GAP43: variants seen among roughly 807,000 people sequenced by gnomAD.
GAP43 encodes the protein growth associated protein 43.
In GAP43, 6 loss-of-function variants were observed where a neutral mutation model predicts 18.6. That is an observed-to-expected ratio of 0.32 (90% CI 0.18 to 0.64). The LOEUF (loss-of-function observed/expected upper bound fraction) is 0.64, where lower values mean the gene tolerates loss of function less well. Among genes scored for constraint, GAP43 ranks in the 30% least tolerant of loss-of-function variants. GAP43 has a pLI of 0.78. For missense variants in GAP43, 292 were observed against 295.5 expected, an observed-to-expected ratio of 0.99 and a Z score of 0.09; for synonymous variants, 115 against 111.4, an observed-to-expected ratio of 1.03 and a Z score of -0.20.
At chr3:115,708,631 T>C (rs1344756166) in intron 2 of GAP43, among the ~76,000 whole-genome samples, 1 of 151,778 alleles carries the variant, frequency 6.6e-6, no homozygotes, top group Non-Finnish European at 1.5e-5. Context: ...ACCATAGAGG[T>C]TGTTTTGTCC....
chr3:115,647,639 C>T (rs564388073), intron 1 of GAP43, among the ~76,000 whole-genome samples: 6 of 150,298 alleles, frequency 4.0e-5, no homozygotes, highest in South Asian at 4.2e-4. Flanking sequence ...CTTGAGGGGA[C>T]GATCCTAAAA....
chr3:115,650,323 C>T (rs970773565), intron 1 of GAP43, among the ~76,000 whole-genome samples: 7 of 152,134 alleles, frequency 4.6e-5, no homozygotes, highest in African/African-American at 1.2e-4. Flanking sequence ...AAAATATCAG[C>T]GAGGGCATTA....
intron 2 of GAP43, among the ~76,000 whole-genome samples, chr3:115,708,223 T>C (rs1209117084): frequency 1.3e-5 from 2 of 152,246 alleles, no homozygotes; most frequent in Non-Finnish European, 2.9e-5. Flanking sequence ...CAAACTATGA[T>C]ATAATGCAAG....
rs187763805 is a variant in GAP43 at position 115,643,697 on chromosome 3, C to A, written c.30+19978C>A. On this transcript the variant is annotated intron_variant, in intron 1 of 2. Coordinates refer to ENST00000305124, the MANE Select transcript of GAP43 (RefSeq NM_002045.4). Reference sequence around the variant, plus strand: ...TACCCTATGTAAAATGGCACCCCACCCTAACACTCCTTATCTGTCCCCTTT... The same window carrying A: ...TACCCTATGTAAAATGGCACCCCACACTAACACTCCTTATCTGTCCCCTTT... Among the ~76,000 whole-genome samples the A allele has an allele frequency of 1.3e-3, 195 of 152,044 alleles. 1 individual carries two copies. The highest frequency in any genetic ancestry group is 4.3e-3 in the African/African-American group (178 of 41,512).
chr3:115,637,748 G>C (rs985023374), intron 1 of GAP43, among the ~76,000 whole-genome samples: 1 of 151,824 alleles, frequency 6.6e-6, no homozygotes, highest in African/African-American at 2.4e-5. Flanking sequence ...GAAATATTTT[G>C]CTGACCCGCA....
At chr3:115,658,590 C>G (rs1265417487) in intron 1 of GAP43, 3 of 152,122 alleles carry the variant, frequency 2.0e-5, no homozygotes, top group African/African-American at 7.2e-5. Context: ...CCCTGGGGAC[C>G]GCAGGGCGTG....
At chr3:115,646,650 T>C (rs1290787631) in intron 1 of GAP43, among the ~76,000 whole-genome samples, 1 of 152,028 alleles carries the variant, frequency 6.6e-6, no homozygotes, top group Non-Finnish European at 1.5e-5. Flanking sequence ...GCCCTTCGGA[T>C]ATCTTGAATT....
chr3:115,661,635 C>A (rs1019332694), intron 1 of GAP43, among the ~76,000 whole-genome samples: 11 of 152,112 alleles, frequency 7.2e-5, no homozygotes, highest in Non-Finnish European at 1.3e-4. Flanking sequence ...ACTACAGGCA[C>A]CCGCCACCAA....
chr3:115,635,247 A>G (rs1190872030), intron 1 of GAP43, among the ~76,000 whole-genome samples: 1 of 152,268 alleles, frequency 6.6e-6, no homozygotes, highest in East Asian at 1.9e-4. Context: ...TTAAATATTC[A>G]TTTGAAAAAG....
At chr3:115,634,272 T>G (rs1385060022) in intron 1 of GAP43, among the ~76,000 whole-genome samples, 3 of 152,182 alleles carry the variant, frequency 2.0e-5, no homozygotes, top group Non-Finnish European at 4.4e-5. Context: ...TAGGCTTGAC[T>G]GGAACCTGTG....
chr3:115,687,852 C>G (rs2107356296), intron 2 of GAP43, among the ~76,000 whole-genome samples: 1 of 152,264 alleles, frequency 6.6e-6, no homozygotes, highest in South Asian at 2.1e-4. Context: ...TAATTCAAAA[C>G]TCATCTTTTC....
At chr3:115,643,080 T>G (rs1196176482) in intron 1 of GAP43, among the ~76,000 whole-genome samples, 1 of 152,116 alleles carries the variant, frequency 6.6e-6, no homozygotes, top group Non-Finnish European at 1.5e-5. Context: ...TAGCCTTATC[T>G]TACAGATGTG....
At chr3:115,654,661 GAGAA>G (rs1212028567) in intron 1 of GAP43, among the ~76,000 whole-genome samples, 17 of 152,172 alleles carry the variant, frequency 1.1e-4, no homozygotes, top group African/African-American at 4.1e-4. Flanking sequence ...CAAATTGCTT[GAGAA>G]AGAAACACAG....
chr3:115,703,141 A>G (rs895968524), intron 2 of GAP43, among the ~76,000 whole-genome samples: 1 of 152,106 alleles, frequency 6.6e-6, no homozygotes. Flanking sequence ...TAGGATTGGG[A>G]ATATGTATAT....
At chr3:115,669,553 G>C (rs1180716344) in intron 1 of GAP43, among the ~76,000 whole-genome samples, 1 of 152,178 alleles carries the variant, frequency 6.6e-6, no homozygotes, top group Non-Finnish European at 1.5e-5. Flanking sequence ...GGCATCAGTT[G>C]CAATACATTA....
At chr3:115,641,882 G>A (rs557028297) in intron 1 of GAP43, among the ~76,000 whole-genome samples, 7 of 152,078 alleles carry the variant, frequency 4.6e-5, no homozygotes, top group East Asian at 3.9e-4. Context: ...ATGTTCTTGC[G>A]GCTGAAGCAG....
intron 2 of GAP43, among the ~76,000 whole-genome samples, chr3:115,698,550 G>C (rs1012982001): frequency 3.3e-5 from 5 of 151,060 alleles, no homozygotes; most frequent in African/African-American, 9.7e-5. Flanking sequence ...GTGAGAAAAG[G>C]CTGCTTATGT....
At chr3:115,698,212 A>AT (rs1553724646) in intron 2 of GAP43, among the ~76,000 whole-genome samples, 68 of 16,584 alleles carry the variant, frequency 4.1e-3, no homozygotes, top group African/African-American at 1.0e-2. Context: ...ATATTATATA[A>AT]AATATATAAT....
chr3:115,693,190 G>C (rs1206324496), intron 2 of GAP43, among the ~76,000 whole-genome samples: 1 of 152,166 alleles, frequency 6.6e-6, no homozygotes, highest in Non-Finnish European at 1.5e-5. Flanking sequence ...GCAGCCTCCA[G>C]GCTGGATTCA....
Sources: gnomAD v4.1 joint callset for allele counts (sites outside exome capture counted in the v4.1 genomes callset) on GRCh38, gnomAD v4.1.1 for gene constraint, MANE v1.5 for transcripts, NCBI Gene and HGNC (gene_info 2026-07-23, HGNC 2026-07-21) for gene names.